The following CNKSR2 variants were observed in gnomAD, a reference collection of about 807,000 sequenced individuals.
CNKSR2 encodes CNK homolog protein 2.
Under a neutral mutation model 84.4 loss-of-function variants are expected in CNKSR2, and 14 were observed. That is an observed-to-expected ratio of 0.17 (90% CI 0.11 to 0.26). CNKSR2 has a LOEUF of 0.26. CNKSR2 is among the 10% of genes least tolerant of loss of function. The pLI is 1.00. For missense variants in CNKSR2, 485 were observed against 771.2 expected (o/e 0.63, Z 4.40); for synonymous variants, 275 against 277.9 (o/e 0.99, Z 0.10).
Position 21,470,099 on chromosome X carries a change from C to G in CNKSR2, c.520-667C>G, listed in dbSNP as rs1188390031. ...AAACTGCGCCATAGAAACATTGTCTCTAAGCAAAGATCAGTTTGTTGTATT... is the reference window on the plus strand; with the variant it reads ...AAACTGCGCCATAGAAACATTGTCTGTAAGCAAAGATCAGTTTGTTGTATT... On this transcript the variant is annotated intron_variant, in intron 4 of 21. Transcript: ENST00000379510. 2.7e-5 allele frequency among the ~76,000 whole-genome samples: 3 copies of G among 111,556 alleles called. No homozygotes were observed. The Admixed American group carries it at 2.9e-4, about 11-fold the overall frequency.
chrX:21,648,923 A>G lies in CNKSR2; in HGVS notation c.2785A>G (p.Ile929Val). 8.3e-7 allele frequency: 1 copy of G among 1,198,975 alleles called. No homozygotes were observed. Among genetic ancestry groups the G allele is most frequent in the Non-Finnish European group, 1.1e-6 (1 of 887,278 alleles). The change falls in exon 21 of 22, where the codon ATT (isoleucine) becomes GTT (valine). Residue 929 changes from isoleucine to valine, a missense_variant. Ile to Val is a conservative substitution (Grantham distance 29). Around this residue, in one of 5 missense-constraint regions of CNKSR2, gnomAD observed 210 missense variants for 291.5 expected, o/e 0.72. Coordinates refer to ENST00000379510, the MANE Select transcript of CNKSR2 (RefSeq NM_014927.5). ...TCTGTCACCACTAGGAGAACATCGT[A>G]TTTCAACCAAGATGGAATACAAGCT... Reference protein sequence around the residue: ...ASLSPLGEHRISTKMEYKLSF... With the variant: ...ASLSPLGEHRVSTKMEYKLSF...
chrX:21,638,647 A>G (rs2092681617), intron 20 of CNKSR2, among the ~76,000 whole-genome samples: 1 of 111,708 alleles, frequency 9.0e-6, no homozygotes, highest in Non-Finnish European at 1.9e-5. Flanking sequence ...TTATTAAATA[A>G]TACGCCAAAC....
chrX:21,520,271 C>T (rs1301068920), intron 9 of CNKSR2, among the ~76,000 whole-genome samples: 1 of 110,944 alleles, frequency 9.0e-6, no homozygotes, highest in Admixed American at 9.6e-5. Flanking sequence ...TTAATAATAT[C>T]TGGAAGCTTT....
chrX:21,451,255 T>G (rs1180341125), intron 4 of CNKSR2, among the ~76,000 whole-genome samples: 1 of 111,410 alleles, frequency 9.0e-6, no homozygotes, highest in Non-Finnish European at 1.9e-5. Context: ...AACAATCTAA[T>G]GGGAAAGACT....
intron 3 of CNKSR2, among the ~76,000 whole-genome samples, chrX:21,439,960 A>C (rs1481234659): frequency 1.8e-5 from 2 of 110,298 alleles, no homozygotes; most frequent in African/African-American, 6.6e-5. Context: ...CCAAAAAAAA[A>C]CTACAGACCA....
At chrX:21,480,435 A>G (rs963843636) in intron 5 of CNKSR2, among the ~76,000 whole-genome samples, 1 of 111,933 alleles carries the variant, frequency 8.9e-6, no homozygotes, top group African/African-American at 3.2e-5. Context: ...CTAATAACCT[A>G]CATCTTAGTT....
intron 17 of CNKSR2, among the ~76,000 whole-genome samples, chrX:21,596,034 A>G (rs1047055973): frequency 9.0e-6 from 1 of 111,605 alleles, no homozygotes; most frequent in Non-Finnish European, 1.9e-5. Flanking sequence ...AATTGAGCTT[A>G]AGATTCAAAA....
rs1187744053 is a variant in CNKSR2 at position 21,563,081 on chromosome X, A to G, written c.1394-157A>G. Among the ~76,000 whole-genome samples, 4 of 111,801 alleles carry G rather than the reference A, an allele frequency of 3.6e-5. No individual in the cohort carries two copies. The East Asian group carries it at 8.4e-4, about 23-fold the overall frequency. The stretch of plus-strand genomic sequence containing the variant: ...AAGTTAAAGTTCTGAAATGAAATAT[A>G]TTAGATTGGGGCAAAAGTAATTGCG... On this transcript the variant is annotated intron_variant, in intron 12 of 21. Transcript: ENST00000379510.
At chrX:21,394,838 T>G (rs1471042545) in intron 1 of CNKSR2, among the ~76,000 whole-genome samples, 1 of 111,935 alleles carries the variant, frequency 8.9e-6, no homozygotes, top group African/African-American at 3.2e-5. Flanking sequence ...AAATGATAGG[T>G]ACTTAGCACT....
At chrX:21,581,807 T>C (rs776681500) in intron 13 of CNKSR2, among the ~76,000 whole-genome samples, 4 of 112,078 alleles carry the variant, frequency 3.6e-5, no homozygotes, top group Middle Eastern at 4.6e-3. Flanking sequence ...AAACAAATGG[T>C]TTCTGCCTTC....
chrX:21,469,091 G>A (rs185948407), intron 4 of CNKSR2, among the ~76,000 whole-genome samples: 1 of 112,060 alleles, frequency 8.9e-6, no homozygotes, highest in East Asian at 2.8e-4. Flanking sequence ...TCCACTACTA[G>A]AGTATACATT....
At chrX:21,616,143 A>G (rs2092575770) in intron 20 of CNKSR2, among the ~76,000 whole-genome samples, 1 of 111,624 alleles carries the variant, frequency 9.0e-6, no homozygotes, top group African/African-American at 3.3e-5. Context: ...CCAGATGCCC[A>G]CCACCACCAT....
chrX:21,480,416 A>G (rs1354637846), intron 5 of CNKSR2, among the ~76,000 whole-genome samples: 1 of 111,945 alleles, frequency 8.9e-6, no homozygotes, highest in Non-Finnish European at 1.9e-5. Flanking sequence ...CTAAAATCAA[A>G]ACATTTTTCT....
chrX:21,476,632 G>T (rs1389358771), intron 5 of CNKSR2, among the ~76,000 whole-genome samples: 1 of 110,668 alleles, frequency 9.0e-6, no homozygotes, highest in East Asian at 2.9e-4. Context: ...TGTTGGGCAG[G>T]GATGTCTGTT....
intron 11 of CNKSR2, among the ~76,000 whole-genome samples, chrX:21,549,830 A>G (rs1340108370): frequency 8.9e-6 from 1 of 112,436 alleles, no homozygotes; most frequent in Non-Finnish European, 1.9e-5. Flanking sequence ...AGGATTTCCT[A>G]TTTAATAAAT....
intron 4 of CNKSR2, among the ~76,000 whole-genome samples, chrX:21,450,362 GTCA>G (rs2090911802): frequency 9.0e-6 from 1 of 111,501 alleles, no homozygotes; most frequent in African/African-American, 3.3e-5. Flanking sequence ...TTTATATCTT[GTCA>G]TCATCAATGA....
At chrX:21,399,531 A>T (rs1243890437) in intron 1 of CNKSR2, among the ~76,000 whole-genome samples, 3 of 111,915 alleles carry the variant, frequency 2.7e-5, no homozygotes, top group Admixed American at 9.5e-5. Flanking sequence ...TTTTAATAGT[A>T]AAATAAAACA....
At chrX:21,589,779 A>C (rs1312044469) in intron 13 of CNKSR2, among the ~76,000 whole-genome samples, 1 of 111,755 alleles carries the variant, frequency 8.9e-6, no homozygotes, top group Non-Finnish European at 1.9e-5. Context: ...CAAGGGAACG[A>C]TTATAATGGT....
chrX:21,467,750 A>G (rs1413831899), intron 4 of CNKSR2, among the ~76,000 whole-genome samples: 3 of 110,911 alleles, frequency 2.7e-5, no homozygotes, highest in Middle Eastern at 4.2e-3. Flanking sequence ...GACCACCTCA[A>G]TCACCTCATA....
Sources: allele counts gnomAD v4.1 joint callset (sites outside exome capture counted in the v4.1 genomes callset), GRCh38; gene constraint gnomAD v4.1.1; regional missense constraint gnomAD v4.1.1; transcripts MANE v1.5; gene names NCBI Gene and HGNC (gene_info 2026-07-23, HGNC 2026-07-21).